The following TPTE variants were observed in gnomAD, a reference collection of about 807,000 sequenced individuals.
The protein encoded by TPTE is transmembrane phosphatase with tensin homology.
A neutral mutation model predicts 84.1 loss-of-function variants in TPTE; 59 were observed. The ratio of observed to expected loss-of-function variants is 0.70; its 90% CI spans 0.57 to 0.87. TPTE has a LOEUF of 0.87. Ranked by LOEUF, TPTE falls within the 40% of genes least tolerant of loss-of-function variation. TPTE has a pLI of 0.00. For synonymous variants in TPTE, 130 were observed against 223.5 expected (o/e 0.58, Z 3.73); for missense variants, 382 against 659.6 (o/e 0.58, Z 4.61).
At chr21:10,569,893 G>C (rs1480642860) in intron 13 of TPTE, 147 bp downstream of exon 13, 1 of 1,569,410 alleles carries the variant, frequency 6.4e-7, no homozygotes, top group Non-Finnish European at 8.7e-7. Flanking sequence ...ACATATTTGT[G>C]GTTTAGCCCT....
chr21:10,593,150 C>A (rs2075518029), intron 19 of TPTE, among the ~76,000 whole-genome samples: 3 of 152,308 alleles, frequency 2.0e-5, no homozygotes, highest in African/African-American at 4.8e-5. Context: ...ACTCACACCC[C>A]CCAACCCCAC....
At chr21:10,571,604 G>GAAATTAGAAA (rs2075044551) in intron 14 of TPTE, among the ~76,000 whole-genome samples, 1 of 152,310 alleles carries the variant, frequency 6.6e-6, no homozygotes, top group African/African-American at 2.4e-5. Flanking sequence ...ACAAATCAAT[G>GAAATTAGAAA]AAATTAGAAA....
chr21:10,574,595 G>A (rs1374935790), intron 14 of TPTE, among the ~76,000 whole-genome samples: 3 of 152,298 alleles, frequency 2.0e-5, no homozygotes, highest in African/African-American at 4.8e-5. Flanking sequence ...GAGATAACCA[G>A]GTTCTCACAT....
At chr21:10,585,535 T>A (rs2145755621) in intron 17 of TPTE, among the ~76,000 whole-genome samples, 1 of 152,424 alleles carries the variant, frequency 6.6e-6, no homozygotes, top group East Asian at 1.9e-4. Context: ...TTGTTTAGGA[T>A]TTTCAAATTC....
intron 10 of TPTE, among the ~76,000 whole-genome samples, chr21:10,566,386 G>T (rs1600913226): frequency 6.6e-6 from 1 of 152,304 alleles, no homozygotes; most frequent in Non-Finnish European, 1.5e-5. Flanking sequence ...GAAGATAAGA[G>T]AACCCTCATA....
intron 22 of TPTE, among the ~76,000 whole-genome samples, chr21:10,602,575 G>A (rs1469203814): frequency 6.6e-6 from 1 of 152,310 alleles, no homozygotes; most frequent in Non-Finnish European, 1.5e-5. Flanking sequence ...GCTAACTGTA[G>A]CTTCAACCTC....
At chr21:10,576,870 T>G (rs2075164901) in intron 14 of TPTE, among the ~76,000 whole-genome samples, 1 of 135,370 alleles carries the variant, frequency 7.4e-6, no homozygotes, top group Non-Finnish European at 1.6e-5. Context: ...TATATATATA[T>G]ATATATAGAC....
intron 10 of TPTE, among the ~76,000 whole-genome samples, chr21:10,564,712 A>G (rs1234912799): frequency 5.3e-5 from 8 of 152,308 alleles, no homozygotes; most frequent in South Asian, 2.1e-4. Flanking sequence ...AAATCAATCA[A>G]TGCGATACAT....
intron 22 of TPTE, among the ~76,000 whole-genome samples, chr21:10,603,058 T>G (rs369429000): frequency 1.1e-4 from 17 of 152,400 alleles, no homozygotes; most frequent in South Asian, 6.2e-4. Context: ...GTGGTCATCA[T>G]GAGAAGGTTG....
chr21:10,601,991 T>G, intron 21 of TPTE, 67 bp from the exon 22 acceptor site: 1 of 1,539,170 alleles, frequency 6.5e-7, no homozygotes, highest in East Asian at 2.2e-5. Flanking sequence ...TCATGATAAG[T>G]GAAAAGGAAC....
At chr21:10,581,133 G>A (rs1292357811) in intron 17 of TPTE, among the ~76,000 whole-genome samples, 1 of 152,308 alleles carries the variant, frequency 6.6e-6, no homozygotes, top group Non-Finnish European at 1.5e-5. Flanking sequence ...TCTGTGTTTA[G>A]CTGTATATTA....
At chr21:10,584,775 A>G (rs2145753064) in intron 17 of TPTE, among the ~76,000 whole-genome samples, 2 of 152,430 alleles carry the variant, frequency 1.3e-5, no homozygotes, top group Middle Eastern at 3.4e-3. Flanking sequence ...AGCACTGGCT[A>G]GAACATTCAG....
intron 7 of TPTE, among the ~76,000 whole-genome samples, chr21:10,545,692 G>T (rs1374891480): frequency 1.8e-3 from 279 of 152,052 alleles, no homozygotes; most frequent in African/African-American, 6.5e-3. Context: ...TATATATACA[G>T]ATATATCTTT....
rs1264731677 is a variant in TPTE, at chr21:10,577,451, CT to C, written c.796-3del. On this transcript the variant is annotated splice_region_variant and splice_polypyrimidine_tract_variant and intron_variant, in intron 14 of 23. Coordinates refer to ENST00000618007, the MANE Select transcript of TPTE (RefSeq NM_199261.4). ...GTAAATATGTAAGATATGTGTTTGT[CT>C]TTTTTAGGAAGTTGTGCGGTTTCTA... 1 of 1,613,758 alleles carries C rather than the reference CT, an allele frequency of 6.2e-7. No individual in the cohort carries two copies. Among genetic ancestry groups the C allele is most frequent in the African/African-American group, 1.3e-5 (1 of 74,960 alleles).
intron 23 of TPTE, among the ~76,000 whole-genome samples, chr21:10,605,043 CA>C (rs551762654): frequency 2.6e-5 from 4 of 152,302 alleles, no homozygotes; most frequent in Non-Finnish European, 5.9e-5. Flanking sequence ...TGTAAAAATT[CA>C]AAAAATTGCA....
chr21:10,541,509 C>G (rs2074369326), intron 5 of TPTE, among the ~76,000 whole-genome samples: 1 of 152,276 alleles, frequency 6.6e-6, no homozygotes, highest in Non-Finnish European at 1.5e-5. Flanking sequence ...CACACACACA[C>G]AAAACAGTGA....
At chr21:10,588,242 T>C (rs1483025980) in intron 17 of TPTE, among the ~76,000 whole-genome samples, 81 of 150,254 alleles carry the variant, frequency 5.4e-4, no homozygotes, top group Non-Finnish European at 1.1e-3. Context: ...TATCAAAAGC[T>C]TTTTTTTCTG....
intron 14 of TPTE, among the ~76,000 whole-genome samples, chr21:10,571,158 C>CTGA (rs1402159234): frequency 9.8e-5 from 15 of 152,294 alleles, no homozygotes; most frequent in Admixed American, 7.2e-4. Context: ...GAGAACTAAT[C>CTGA]TGAATGATGG....
chr21:10,595,835 TA>T, intron 19 of TPTE, 146 bp from the exon 20 acceptor site: 2 of 1,121,294 alleles, frequency 1.8e-6, no homozygotes, highest in Non-Finnish European at 2.5e-6. Context: ...GCAGCATCCC[TA>T]AAAATATCTA....
Sources: gnomAD v4.1 joint callset for allele counts (sites outside exome capture counted in the v4.1 genomes callset) on GRCh38, gnomAD v4.1.1 for gene constraint, MANE v1.5 for transcripts, NCBI Gene and HGNC (gene_info 2026-07-23, HGNC 2026-07-21) for gene names.